The following EPB41L4B variants were observed in gnomAD, a reference collection of about 807,000 sequenced individuals.
EPB41L4B encodes erythrocyte membrane protein band 4.1 like 4B.
EPB41L4B carries 30 observed loss-of-function variants against 112.5 expected under a neutral mutation model. That is an observed-to-expected ratio of 0.27 (90% CI 0.20 to 0.36). The LOEUF (loss-of-function observed/expected upper bound fraction) is 0.36. Ranked by LOEUF, EPB41L4B falls within the 10% of genes least tolerant of loss-of-function variation. The pLI, the probability that EPB41L4B is intolerant of heterozygous loss-of-function variation, is 1.00. For missense variants in EPB41L4B, 1,024 were observed against 1,133.3 expected (o/e 0.90, Z 1.38); for synonymous variants, 408 against 439.7 (o/e 0.93, Z 0.90).
chr9:109,233,846 T>TA (rs34020167), intron 15 of EPB41L4B, among the ~76,000 whole-genome samples: 1 of 152,106 alleles, frequency 6.6e-6, no homozygotes, highest in Non-Finnish European at 1.5e-5. Context: ...AACCTACTTT[T>TA]AAAAAAATGT....
rs956713333 is a variant in EPB41L4B at position 109,320,586 on chromosome 9, G to A, written c.-140C>T. 437 of 310,074 alleles carry A rather than the reference G, an allele frequency of 1.4e-3. 16 individuals carry two copies. In the East Asian group the frequency reaches 0.073, roughly 52 times the overall value. 19.2% of individuals were successfully genotyped at this position (310,074 alleles called of 1,614,324 possible). A position where few individuals can be genotyped will look rare whatever the true frequency, so the allele number is the denominator to read the frequency against. ...CGCCGCCTCTCGCGGGCTACGGCCCGGGGCAAGCCCGCGCCGAGGCCGAGG... is the reference window on the plus strand; with the variant it reads ...CGCCGCCTCTCGCGGGCTACGGCCCAGGGCAAGCCCGCGCCGAGGCCGAGG... On this transcript the variant is annotated 5_prime_UTR_variant, in exon 1 of 26. Transcript: ENST00000374566.
intron 15 of EPB41L4B, among the ~76,000 whole-genome samples, chr9:109,233,587 G>A (rs527689058): frequency 2.0e-5 from 3 of 148,344 alleles, no homozygotes; most frequent in Admixed American, 6.8e-5. Flanking sequence ...CTGGAGTGCA[G>A]TGGTGTGATT....
chr9:109,225,424 C>G (rs550014429), intron 15 of EPB41L4B, among the ~76,000 whole-genome samples: 1 of 152,222 alleles, frequency 6.6e-6, no homozygotes, highest in South Asian at 2.1e-4. Context: ...GCTGGAGAGG[C>G]CTCATAATCA....
intron 1 of EPB41L4B, among the ~76,000 whole-genome samples, chr9:109,315,871 A>G (rs1274467011): frequency 6.6e-6 from 1 of 152,034 alleles, no homozygotes; most frequent in Non-Finnish European, 1.5e-5. Context: ...CTCATACTAC[A>G]TCCAACTTCC....
At chr9:109,262,986 A>C (rs1835272057) in intron 6 of EPB41L4B, 64 bp downstream of exon 6, 1 of 1,124,618 alleles carries the variant, frequency 8.9e-7, no homozygotes, top group Non-Finnish European at 1.3e-6. Flanking sequence ...TACTGTGGAC[A>C]CTCATTTGTT....
intron 2 of EPB41L4B, among the ~76,000 whole-genome samples, chr9:109,273,693 G>A (rs746039702): frequency 3.3e-5 from 5 of 151,980 alleles, no homozygotes; most frequent in Non-Finnish European, 7.4e-5. Context: ...CTCAGAGCAC[G>A]GGCACCTGAG....
intron 18 of EPB41L4B, 142 bp downstream of exon 18, chr9:109,207,782 G>T: frequency 3.1e-6 from 3 of 979,012 alleles, no homozygotes; most frequent in Non-Finnish European, 3.0e-6. Flanking sequence ...CACATATCAG[G>T]TATGGTTCAC....
chr9:109,299,600 T>C (rs1215346176), intron 1 of EPB41L4B, among the ~76,000 whole-genome samples: 3 of 152,152 alleles, frequency 2.0e-5, no homozygotes, highest in African/African-American at 7.2e-5. Context: ...TTTTGTTTTG[T>C]TTTTTTAATT....
At chr9:109,312,502 A>G (rs1298074054) in intron 1 of EPB41L4B, among the ~76,000 whole-genome samples, 1 of 152,170 alleles carries the variant, frequency 6.6e-6, no homozygotes, top group African/African-American at 2.4e-5. Flanking sequence ...GGGCAAGCTC[A>G]GAGCCCTCCC....
intron 24 of EPB41L4B, among the ~76,000 whole-genome samples, chr9:109,178,560 G>A (rs551789565): frequency 6.6e-6 from 1 of 152,010 alleles, no homozygotes; most frequent in South Asian, 2.1e-4. Context: ...ATTAGTAAGT[G>A]TAAGTGTTAA....
At chr9:109,264,549 G>A (rs996736509) in intron 5 of EPB41L4B, among the ~76,000 whole-genome samples, 5 of 152,206 alleles carry the variant, frequency 3.3e-5, no homozygotes, top group East Asian at 1.9e-4. Flanking sequence ...GAAGTGAGAT[G>A]AGATGTCTAA....
chr9:109,320,521 G>C lies in EPB41L4B; in HGVS notation c.-75C>G. 2.5e-6 allele frequency: 2 copies of C among 814,628 alleles called. No homozygotes were observed. The highest frequency in any genetic ancestry group is 2.9e-6 in the Non-Finnish European group (2 of 684,452). 50.5% of individuals were successfully genotyped at this position (814,628 alleles called of 1,614,324 possible). ...TGCCGCTGCCGCTGCGCCGCCGCCC[G>C]GGAGCGTCCCGCGACGCCGTCAGTG... On this transcript the variant is annotated 5_prime_UTR_variant, in exon 1 of 26. Coordinates refer to ENST00000374566, the MANE Select transcript of EPB41L4B (RefSeq NM_019114.5).
chr9:109,225,898 C>T (rs1384313687), intron 15 of EPB41L4B, among the ~76,000 whole-genome samples: 1 of 152,128 alleles, frequency 6.6e-6, no homozygotes, highest in Non-Finnish European at 1.5e-5. Context: ...AGGGGACTTG[C>T]CTGAGCTCCA....
chr9:109,232,609 A>G (rs564313258), intron 15 of EPB41L4B, among the ~76,000 whole-genome samples: 1 of 152,326 alleles, frequency 6.6e-6, no homozygotes, highest in Non-Finnish European at 1.5e-5. Flanking sequence ...CCCAGACGCC[A>G]TCCGGCTCAC....
intron 15 of EPB41L4B, among the ~76,000 whole-genome samples, chr9:109,231,462 TCTC>T (rs1588154187): frequency 6.6e-6 from 1 of 152,194 alleles, no homozygotes; most frequent in Non-Finnish European, 1.5e-5. Context: ...AAATTTTAAT[TCTC>T]CTTAGGTAAT....
At chr9:109,308,863 A>C (rs1022459534) in intron 1 of EPB41L4B, among the ~76,000 whole-genome samples, 1 of 152,194 alleles carries the variant, frequency 6.6e-6, no homozygotes, top group Non-Finnish European at 1.5e-5. Context: ...GGATCGCTTG[A>C]AGTCAGGATA....
chr9:109,252,474 T>A (rs2119012702), intron 12 of EPB41L4B, among the ~76,000 whole-genome samples: 1 of 152,250 alleles, frequency 6.6e-6, no homozygotes, highest in South Asian at 2.1e-4. Context: ...CTGTGGGCAT[T>A]TTCCCTCCAC....
At chr9:109,215,782 A>G (rs1833341303) in intron 16 of EPB41L4B, among the ~76,000 whole-genome samples, 1 of 152,214 alleles carries the variant, frequency 6.6e-6, no homozygotes, top group Non-Finnish European at 1.5e-5. Flanking sequence ...ATCAAAGCCC[A>G]TATTTTTATT....
intron 20 of EPB41L4B, among the ~76,000 whole-genome samples, chr9:109,197,457 G>C (rs1024631725): frequency 6.6e-6 from 1 of 151,430 alleles, no homozygotes; most frequent in Admixed American, 6.6e-5. Context: ...TAAAAAGATG[G>C]GCAAATGAGC....
Sources: allele counts gnomAD v4.1 joint callset (sites outside exome capture counted in the v4.1 genomes callset), GRCh38; gene constraint gnomAD v4.1.1; transcripts MANE v1.5; gene names NCBI Gene and HGNC (gene_info 2026-07-23, HGNC 2026-07-21).